PLPPR1: variants seen among roughly 807,000 people sequenced by gnomAD.
PLPPR1 encodes phospholipid phosphatase related 1.
PLPPR1 carries 10 observed loss-of-function variants against 33.1 expected under a neutral mutation model. That is an observed-to-expected ratio of 0.30 (90% CI 0.19 to 0.51). The LOEUF is 0.51. PLPPR1 is among the 20% of genes least tolerant of loss of function. The pLI is 0.97. For missense variants in PLPPR1, 304 were observed against 408.1 expected (o/e 0.74, Z 2.20); for synonymous variants, 151 against 151.0 (o/e 1.00, Z 0.00).
rs1222244464 is a variant in PLPPR1 at position 101,296,259 on chromosome 9, A to T, written c.385+10023A>T. On this transcript the variant is annotated intron_variant, in intron 4 of 7. Transcript: ENST00000374874. ...CAAAACCACAATGAGATACCATCTC[A>T]CACCAGTTAGAATGGCAATCATTAA... Among the ~76,000 whole-genome samples the T allele has an allele frequency of 8.9e-3, 1,343 of 151,748 alleles. 14 individuals are homozygous for T. The highest frequency in any genetic ancestry group is 0.029 in the African/African-American group (1,192 of 41,164).
intron 1 of PLPPR1, among the ~76,000 whole-genome samples, chr9:101,172,973 C>T (rs1825966601): frequency 6.6e-6 from 1 of 151,994 alleles, no homozygotes; most frequent in Admixed American, 6.6e-5. Flanking sequence ...GGCATGAAAT[C>T]CTACTTACTT....
chr9:101,203,875 A>G (rs1826540941), intron 2 of PLPPR1, among the ~76,000 whole-genome samples: 1 of 151,624 alleles, frequency 6.6e-6, no homozygotes, highest in Admixed American at 6.6e-5. Flanking sequence ...ATTCTCTACC[A>G]CTTGGAAATG....
At chr9:101,102,157 T>A (rs1438528662) in intron 1 of PLPPR1, among the ~76,000 whole-genome samples, 2 of 138,482 alleles carry the variant, frequency 1.4e-5, no homozygotes, top group South Asian at 2.6e-4. Context: ...TTTATTTTAT[T>A]ATTATACTTT....
At chr9:101,228,372 C>T (rs1482958943) in intron 2 of PLPPR1, among the ~76,000 whole-genome samples, 3 of 152,210 alleles carry the variant, frequency 2.0e-5, no homozygotes, top group East Asian at 3.9e-4. Context: ...AAAAGCAAAG[C>T]GTGAGGTCCA....
intron 3 of PLPPR1, among the ~76,000 whole-genome samples, chr9:101,270,513 G>A (rs796486183): frequency 2.9e-4 from 44 of 152,238 alleles, no homozygotes; most frequent in African/African-American, 9.9e-4. Flanking sequence ...TTGAACTTCC[G>A]TAGACACCAG....
intron 3 of PLPPR1, among the ~76,000 whole-genome samples, chr9:101,273,469 A>G (rs999602756): frequency 7.2e-5 from 11 of 152,120 alleles, no homozygotes; most frequent in Admixed American, 5.2e-4. Context: ...GCCCCCATTC[A>G]CCTGAGCTGT....
At chr9:101,238,367 G>C (rs1165522003) in intron 2 of PLPPR1, among the ~76,000 whole-genome samples, 1 of 117,686 alleles carries the variant, frequency 8.5e-6, no homozygotes, top group Admixed American at 8.4e-5. Context: ...ATATATATGG[G>C]TATATATATA....
chr9:101,244,203 G>A, intron 2 of PLPPR1, among the ~76,000 whole-genome samples: 1 of 151,874 alleles, frequency 6.6e-6, no homozygotes, highest in Non-Finnish European at 1.5e-5. Flanking sequence ...AGTGGAGGAA[G>A]TCAATGAAGT....
chr9:101,032,000 G>A (rs1829951406), intron 1 of PLPPR1, among the ~76,000 whole-genome samples: 1 of 152,138 alleles, frequency 6.6e-6, no homozygotes, highest in African/African-American at 2.4e-5. Context: ...GATCAAGAAG[G>A]TTTCTCAGAG....
chr9:101,252,362 T>C (rs1827727145), intron 2 of PLPPR1, among the ~76,000 whole-genome samples: 1 of 152,104 alleles, frequency 6.6e-6, no homozygotes, highest in African/African-American at 2.4e-5. Flanking sequence ...ATAATTGGCT[T>C]CATTTAGATG....
At chr9:101,081,593 T>G (rs187419644) in intron 1 of PLPPR1, among the ~76,000 whole-genome samples, 3 of 152,354 alleles carry the variant, frequency 2.0e-5, no homozygotes, top group South Asian at 2.1e-4. Flanking sequence ...GAGAATTATA[T>G]GAATTATGGC....
intron 1 of PLPPR1, among the ~76,000 whole-genome samples, chr9:101,046,236 C>G (rs1288356993): frequency 6.6e-6 from 1 of 151,918 alleles, no homozygotes; most frequent in Admixed American, 6.6e-5. Context: ...GCTACTTTTC[C>G]CTTGCTTTTG....
chr9:101,241,929 T>A (rs544525521), intron 2 of PLPPR1, among the ~76,000 whole-genome samples: 1 of 152,120 alleles, frequency 6.6e-6, no homozygotes, highest in African/African-American at 2.4e-5. Context: ...ATTTATTTTT[T>A]AAAATGCATT....
chr9:101,096,003 A>G (rs988765279), intron 1 of PLPPR1, among the ~76,000 whole-genome samples: 2 of 152,194 alleles, frequency 1.3e-5, no homozygotes, highest in African/African-American at 4.8e-5. Flanking sequence ...TGGGTTGCCA[A>G]AAATGACAGA....
intron 2 of PLPPR1, among the ~76,000 whole-genome samples, chr9:101,233,830 T>A (rs142440021): frequency 1.0e-3 from 156 of 152,004 alleles, no homozygotes; most frequent in Middle Eastern, 3.4e-3. Context: ...ATTCAGAAAG[T>A]GGCCAGAACA....
chr9:101,263,414 T>C (rs1827935401), intron 2 of PLPPR1, among the ~76,000 whole-genome samples: 1 of 152,258 alleles, frequency 6.6e-6, no homozygotes, highest in Admixed American at 6.5e-5. Context: ...TCACCATATT[T>C]ATTTCCTTCC....
At chr9:101,178,466 G>A (rs1357052958) in intron 1 of PLPPR1, among the ~76,000 whole-genome samples, 2 of 152,132 alleles carry the variant, frequency 1.3e-5, no homozygotes, top group Non-Finnish European at 2.9e-5. Context: ...TATCCTTCAC[G>A]CAATGCTTCT....
At chr9:101,202,073 G>A (rs1826504570) in intron 2 of PLPPR1, among the ~76,000 whole-genome samples, 1 of 152,186 alleles carries the variant, frequency 6.6e-6, no homozygotes, top group Non-Finnish European at 1.5e-5. Context: ...AACCAGTTTG[G>A]AGGTTTATGT....
At chr9:101,130,026 G>A (rs926661388) in intron 1 of PLPPR1, among the ~76,000 whole-genome samples, 4 of 152,112 alleles carry the variant, frequency 2.6e-5, no homozygotes, top group Non-Finnish European at 4.4e-5. Flanking sequence ...TGAGAAAACA[G>A]AGCATTAGAT....
Sources: gnomAD v4.1 joint callset for allele counts (sites outside exome capture counted in the v4.1 genomes callset) on GRCh38, gnomAD v4.1.1 for gene constraint, MANE v1.5 for transcripts, NCBI Gene and HGNC (gene_info 2026-07-23, HGNC 2026-07-21) for gene names.